Variants in ZHX2 observed in about 807,000 individuals in gnomAD.
The protein encoded by ZHX2 is zinc fingers and homeoboxes 2.
In ZHX2, 6 loss-of-function variants were observed where a neutral mutation model predicts 21.9. That is an observed-to-expected ratio of 0.27 (90% CI 0.15 to 0.54). ZHX2 has a LOEUF of 0.54. ZHX2 is among the 20% of genes least tolerant of loss of function. The pLI is 0.95. For synonymous variants in ZHX2, 434 were observed against 437.1 expected, an observed-to-expected ratio of 0.99 and a Z score of 0.09; for missense variants, 908 against 1,090.7, an observed-to-expected ratio of 0.83 and a Z score of 2.36.
At chr8:122,957,048 T>C (rs746465748) in intron 3 of ZHX2, among the ~76,000 whole-genome samples, 1 of 152,166 alleles carries the variant, frequency 6.6e-6, no homozygotes, top group South Asian at 2.1e-4. Flanking sequence ...GTCGCCTGAA[T>C]AGCAGAGGTC....
intron 3 of ZHX2, among the ~76,000 whole-genome samples, chr8:122,970,407 G>C (rs1240225877): frequency 6.6e-6 from 1 of 152,228 alleles, no homozygotes; most frequent in East Asian, 1.9e-4. Flanking sequence ...GGATGGGGGG[G>C]TCAGCCTGCT....
chr8:122,967,672 G>T (rs573748420), intron 3 of ZHX2, among the ~76,000 whole-genome samples: 1 of 152,338 alleles, frequency 6.6e-6, no homozygotes, highest in African/African-American at 2.4e-5. Context: ...AGGACCTCTG[G>T]TTAGCCAGGA....
chr8:122,864,079 G>A (rs1438801657), intron 2 of ZHX2, among the ~76,000 whole-genome samples: 2 of 151,686 alleles, frequency 1.3e-5, no homozygotes, highest in African/African-American at 4.9e-5. Context: ...AACTTGGGAA[G>A]TAGAGTGAGT....
intron 1 of ZHX2, among the ~76,000 whole-genome samples, chr8:122,789,327 A>C (rs1398514459): frequency 6.6e-6 from 1 of 152,232 alleles, no homozygotes; most frequent in Non-Finnish European, 1.5e-5. Context: ...CGCTGTTCTT[A>C]AAATATGAGA....
At position 122,882,479 on chromosome 8, in the gene ZHX2, C is replaced by T. The variant is rs546459445; in HGVS notation, c.-220+18940C>T. Among the ~76,000 whole-genome samples the T allele has an allele frequency of 2.6e-5, 4 of 152,184 alleles. No individual in the cohort carries two copies. In the South Asian group the frequency reaches 8.3e-4, roughly 32 times the overall value. On this transcript the variant is annotated intron_variant, in intron 2 of 3. Transcript: ENST00000314393. ...TTCCTCTCTCTAAAGAATCATGACC[C>T]ACCCCAAATTGGACAATAACGAAAT...
Position 122,782,823 on chromosome 8 carries a change from C to G in ZHX2, c.-283+877C>G, listed in dbSNP as rs1454465535. ...GCCAGCCCGAGCCCACGTTCGCCCC[C>G]CTGAACGGCAGCTGGCGCTTTTCGT... On this transcript the variant is annotated intron_variant, in intron 1 of 3. Transcript: ENST00000314393. This position sits in a 1 kb window ranked among gnomAD's most constrained non-coding sequence, Gnocchi z 5.3. Among the ~76,000 whole-genome samples, 5 of 152,196 alleles carry G rather than the reference C, an allele frequency of 3.3e-5. No homozygotes were observed. The highest frequency in any genetic ancestry group is 5.9e-5 in the Non-Finnish European group (4 of 68,024).
intron 2 of ZHX2, among the ~76,000 whole-genome samples, chr8:122,865,168 G>A (rs571053891): frequency 1.3e-5 from 2 of 150,120 alleles, no homozygotes; most frequent in East Asian, 2.0e-4. Context: ...TCACTCTGTC[G>A]CCCAGGCTGG....
intron 1 of ZHX2, chr8:122,807,756 G>A (rs1049731634): frequency 3.9e-5 from 6 of 152,238 alleles, no homozygotes; most frequent in Admixed American, 6.5e-5. Context: ...CTTCTCGGGT[G>A]GATACTGCCA....
intron 3 of ZHX2, among the ~76,000 whole-genome samples, chr8:122,963,958 C>T (rs1813518693): frequency 6.6e-6 from 1 of 151,724 alleles, no homozygotes; most frequent in East Asian, 1.9e-4. Flanking sequence ...AGCTTGGTTG[C>T]TATTGGTGTA....
intron 2 of ZHX2, among the ~76,000 whole-genome samples, chr8:122,935,469 C>A (rs899362981): frequency 7.2e-5 from 11 of 151,896 alleles, no homozygotes. Context: ...CTGTTCCTCA[C>A]ATGTAGATCT....
chr8:122,821,035 A>G (rs989483107), intron 1 of ZHX2, among the ~76,000 whole-genome samples: 1 of 152,208 alleles, frequency 6.6e-6, no homozygotes, highest in African/African-American at 2.4e-5. Flanking sequence ...GAGGAGTCAG[A>G]AATAAAGAAA....
chr8:122,887,881 C>T (rs898831958), intron 2 of ZHX2, among the ~76,000 whole-genome samples: 17 of 152,196 alleles, frequency 1.1e-4, no homozygotes, highest in African/African-American at 3.1e-4. Flanking sequence ...CCCTCTGCCG[C>T]GCTTGCCGGC....
intron 1 of ZHX2, among the ~76,000 whole-genome samples, chr8:122,810,254 TCA>T (rs1292770198): frequency 6.6e-6 from 1 of 152,194 alleles, no homozygotes; most frequent in Non-Finnish European, 1.5e-5. Flanking sequence ...TCTATAAACG[TCA>T]GTTTCCTTTT....
At chr8:122,838,576 T>A (rs1420506816) in intron 1 of ZHX2, among the ~76,000 whole-genome samples, 13 of 145,946 alleles carry the variant, frequency 8.9e-5, no homozygotes, top group African/African-American at 3.3e-4. Flanking sequence ...TAATGTGATT[T>A]TTTTTTTTTT....
intron 1 of ZHX2, among the ~76,000 whole-genome samples, chr8:122,851,447 C>G (rs925335373): frequency 2.0e-5 from 3 of 152,206 alleles, no homozygotes; most frequent in African/African-American, 7.2e-5. Flanking sequence ...TGCAGGAGGC[C>G]CTTCCCTGAC....
chr8:122,949,946 G>A (rs1813068514), intron 2 of ZHX2, among the ~76,000 whole-genome samples: 1 of 152,028 alleles, frequency 6.6e-6, no homozygotes, highest in Admixed American at 6.5e-5. Context: ...AATCAGCAAG[G>A]CTTTTTAACA....
In ZHX2 at chr8:122,851,495, C is replaced by T. The variant is rs559614586; in HGVS notation, c.-282-11982C>T. 5.9e-5 allele frequency among the ~76,000 whole-genome samples: 9 copies of T among 152,282 alleles called. 1 individual carries two copies. In the South Asian group the frequency reaches 1.7e-3, roughly 28 times the overall value. Reference sequence around the variant, plus strand: ...AACAGCACCCCATCAATCTCCATCCCTTTATTCTGGTTTTTCTTCAAAACA... The same window carrying T: ...AACAGCACCCCATCAATCTCCATCCTTTTATTCTGGTTTTTCTTCAAAACA... On this transcript the variant is annotated intron_variant, in intron 1 of 3. Coordinates refer to ENST00000314393, the MANE Select transcript of ZHX2 (RefSeq NM_014943.5).
intron 2 of ZHX2, among the ~76,000 whole-genome samples, chr8:122,915,757 C>T (rs147605632): frequency 6.6e-6 from 1 of 152,192 alleles, no homozygotes. Context: ...TTGCTCATTT[C>T]TGGTGGAGTC....
chr8:122,830,230 G>T (rs1818345425), intron 1 of ZHX2, among the ~76,000 whole-genome samples: 1 of 152,186 alleles, frequency 6.6e-6, no homozygotes, highest in Admixed American at 6.5e-5. Context: ...AACAGGAAGT[G>T]TCCTAGTCTG....
Sources: gnomAD v4.1 joint callset for allele counts (sites outside exome capture counted in the v4.1 genomes callset) on GRCh38, gnomAD v4.1.1 for gene constraint, Gnocchi (gnomAD v3.1) non-coding constraint, MANE v1.5 for transcripts, NCBI Gene and HGNC (gene_info 2026-07-23, HGNC 2026-07-21) for gene names.